Variants in ANKS1B observed in about 807,000 individuals in gnomAD.
ANKS1B encodes the protein ankyrin repeat and sterile alpha motif domain containing 1B, also known as ankyrin repeat and sterile alpha motif domain-containing protein 1B.
ANKS1B carries 36 observed loss-of-function variants against 148.3 expected under a neutral mutation model. The observed-to-expected ratio is 0.24, with a 90% confidence interval of 0.19 to 0.32. ANKS1B has a LOEUF of 0.32. ANKS1B is among the 10% of genes least tolerant of loss of function. ANKS1B has a pLI of 1.00. For synonymous variants in ANKS1B, 542 were observed against 560.8 expected (o/e 0.97, Z 0.47); for missense variants, 1,157 against 1,542.6 (o/e 0.75, Z 4.19).
At chr12:99,363,388 T>A (rs534364416) in intron 12 of ANKS1B, among the ~76,000 whole-genome samples, 1 of 152,228 alleles carries the variant, frequency 6.6e-6, no homozygotes, top group Admixed American at 6.5e-5. Flanking sequence ...AAAAAGCAGA[T>A]GAAATGCTAT....
At chr12:99,501,810 AC>A (rs1233801794) in intron 10 of ANKS1B, among the ~76,000 whole-genome samples, 1 of 152,140 alleles carries the variant, frequency 6.6e-6, no homozygotes, top group African/African-American at 2.4e-5. Flanking sequence ...TTTATTTCCT[AC>A]CCTCGCCAAT....
intron 9 of ANKS1B, among the ~76,000 whole-genome samples, chr12:99,642,732 G>T (rs2098322972): frequency 6.6e-6 from 1 of 152,192 alleles, no homozygotes. Flanking sequence ...CAGGAGAACT[G>T]CTTGAACCCA....
At chr12:99,333,854 G>GTTTTTTTTTTTTTTTTTTTTTTTTTTT (rs10526476) in intron 12 of ANKS1B, among the ~76,000 whole-genome samples, 2 of 107,456 alleles carry the variant, frequency 1.9e-5, no homozygotes, top group African/African-American at 4.0e-5. Flanking sequence ...CCAGTTCTCA[G>GTTTTTTTTTTTTTTTTTTTTTTTTTTT]TTTTTTTTTT....
intron 17 of ANKS1B, among the ~76,000 whole-genome samples, chr12:98,851,170 T>C (rs1045398182): frequency 2.0e-5 from 3 of 152,196 alleles, no homozygotes; most frequent in Non-Finnish European, 2.9e-5. Context: ...GAGGGTGGAA[T>C]GTGATGGCTG....
chr12:99,967,405 G>A (rs1351068625), intron 1 of ANKS1B, among the ~76,000 whole-genome samples: 1 of 152,054 alleles, frequency 6.6e-6, no homozygotes, highest in African/African-American at 2.4e-5. Context: ...TCAAGACTCG[G>A]AATTTTTCCA....
intron 9 of ANKS1B, among the ~76,000 whole-genome samples, chr12:99,596,231 C>T (rs2097757388): frequency 6.6e-6 from 1 of 151,748 alleles, no homozygotes; most frequent in Non-Finnish European, 1.5e-5. Context: ...TGAGTAGAAC[C>T]ATGTTCCCTC....
intron 17 of ANKS1B, among the ~76,000 whole-genome samples, chr12:98,950,590 A>G (rs2099852623): frequency 1.3e-5 from 2 of 152,166 alleles, no homozygotes; most frequent in African/African-American, 4.8e-5. Flanking sequence ...TTTATTTCTC[A>G]TCAAAATGAA....
At chr12:99,025,232 A>G (rs1334551232) in intron 17 of ANKS1B, among the ~76,000 whole-genome samples, 1 of 152,230 alleles carries the variant, frequency 6.6e-6, no homozygotes, top group Non-Finnish European at 1.5e-5. Context: ...TAAAATGTAA[A>G]TGATTAGAAG....
At chr12:99,775,483 G>T in intron 7 of ANKS1B, 65 bp downstream of exon 7, 1 of 1,136,668 alleles carries the variant, frequency 8.8e-7, no homozygotes, top group Non-Finnish European at 1.3e-6. Context: ...TATTAGACTT[G>T]AAATTTTCAC....
intron 16 of ANKS1B, among the ~76,000 whole-genome samples, chr12:99,063,336 C>T (rs559330640): frequency 6.6e-6 from 1 of 152,218 alleles, no homozygotes; most frequent in Non-Finnish European, 1.5e-5. Flanking sequence ...GGACTAACAG[C>T]AGTCCTGAAA....
intron 1 of ANKS1B, among the ~76,000 whole-genome samples, chr12:99,957,394 G>A (rs1258267621): frequency 6.6e-6 from 1 of 152,118 alleles, no homozygotes; most frequent in Non-Finnish European, 1.5e-5. Context: ...CTAAGAGCAC[G>A]AGCTTACCAC....
rs565850603 is a variant in ANKS1B at position 99,151,355 on chromosome 12, CTG to C, written c.2526+2932_2526+2933del. Among the ~76,000 whole-genome samples the C allele has an allele frequency of 1.3e-3, 198 of 152,118 alleles. 1 individual carries two copies. Among genetic ancestry groups the C allele is most frequent in the African/African-American group, 4.5e-3 (186 of 41,518 alleles). ...CCAGCCTGGTCGACATGGTGAAACC[CTG>C]TCTCTACTAAAATTACAAAAATTAG... is the stretch of plus-strand genomic sequence containing the variant. On this transcript the variant is annotated intron_variant, in intron 15 of 26. Coordinates refer to ENST00000683438, the MANE Select transcript of ANKS1B (RefSeq NM_001352186.2).
chr12:98,947,288 G>T (rs766493462), intron 17 of ANKS1B, among the ~76,000 whole-genome samples: 1 of 152,140 alleles, frequency 6.6e-6, no homozygotes, highest in Non-Finnish European at 1.5e-5. Context: ...AGTAAAGGAA[G>T]GTGCAGGGAG....
intron 17 of ANKS1B, among the ~76,000 whole-genome samples, chr12:98,912,685 A>G (rs1250143443): frequency 6.6e-6 from 1 of 152,248 alleles, no homozygotes; most frequent in Non-Finnish European, 1.5e-5. Flanking sequence ...GGTGCTAACA[A>G]GTCTTCATTT....
intron 12 of ANKS1B, among the ~76,000 whole-genome samples, chr12:99,268,609 G>C (rs1490550738): frequency 6.6e-6 from 1 of 152,156 alleles, no homozygotes; most frequent in African/African-American, 2.4e-5. Context: ...TGGAGACAAA[G>C]GTAATGGGCA....
intron 26 of ANKS1B, among the ~76,000 whole-genome samples, chr12:98,747,498 T>G (rs1044757158): frequency 3.3e-5 from 5 of 152,176 alleles, no homozygotes; most frequent in African/African-American, 1.2e-4. Flanking sequence ...ACTTCTACAC[T>G]GTTGGTAGGA....
intron 15 of ANKS1B, among the ~76,000 whole-genome samples, chr12:99,152,615 TA>T (rs1396310621): frequency 2.6e-5 from 4 of 152,166 alleles, no homozygotes; most frequent in African/African-American, 9.6e-5. Flanking sequence ...CATAAGTGTT[TA>T]ACATTCAGAG....
chr12:99,208,427 G>A (rs2153906462), intron 14 of ANKS1B, among the ~76,000 whole-genome samples: 1 of 152,116 alleles, frequency 6.6e-6, no homozygotes, highest in South Asian at 2.1e-4. Flanking sequence ...TTAACTTTGG[G>A]AAAACCTCAA....
intron 1 of ANKS1B, among the ~76,000 whole-genome samples, chr12:99,860,150 A>C (rs2089831941): frequency 6.6e-6 from 1 of 152,210 alleles, no homozygotes; most frequent in South Asian, 2.1e-4. Flanking sequence ...AAAAGTATTA[A>C]AGGTGTTAAG....
Sources: gnomAD v4.1 joint callset for allele counts (sites outside exome capture counted in the v4.1 genomes callset) on GRCh38, gnomAD v4.1.1 for gene constraint, MANE v1.5 for transcripts, NCBI Gene and HGNC (gene_info 2026-07-23, HGNC 2026-07-21) for gene names.